The following SHANK2 variants were observed in gnomAD, a reference collection of about 807,000 sequenced individuals.
The protein encoded by SHANK2 is SH3 and multiple ankyrin repeat domains 2.
In SHANK2, 43 loss-of-function variants were observed where a neutral mutation model predicts 133.7. The observed-to-expected ratio is 0.32, with a 90% CI of 0.25 to 0.41. SHANK2 has a LOEUF of 0.41. SHANK2 is among the 10% of genes least tolerant of loss of function. The pLI is 1.00. For missense variants in SHANK2, 1,994 were observed against 2,235.8 expected (o/e 0.89, Z 2.18); for synonymous variants, 1,017 against 952.8 (o/e 1.07, Z -1.24).
At position 70,490,476 on chromosome 11, in the gene SHANK2, TC is replaced by T. The variant is rs2058871657; in HGVS notation, c.2440-90del. 3.6e-5 allele frequency: 40 copies of T among 1,097,990 alleles called. No individual in the cohort carries two copies. The South Asian group carries it at 5.0e-4, about 14-fold the overall frequency. 68.0% of individuals were successfully genotyped at this position (1,097,990 alleles called of 1,614,324 possible). A position where few individuals can be genotyped will look rare whatever the true frequency, so the allele number is the denominator to read the frequency against. ...CCCAGAGACCACAAGGGAACTTCCGTCACTGTGGCTTCCCCAAGCTGCTTCT... is the reference window on the plus strand; with the variant it reads ...CCCAGAGACCACAAGGGAACTTCCGTACTGTGGCTTCCCCAAGCTGCTTCT... On this transcript the variant is annotated intron_variant, in intron 22 of 25. Coordinates refer to ENST00000601538, the MANE Select transcript of SHANK2 (RefSeq NM_012309.5).
intron 21 of SHANK2, chr11:70,496,853 C>T: frequency 2.4e-6 from 1 of 412,486 alleles, no homozygotes; most frequent in Non-Finnish European, 4.9e-6. Flanking sequence ...TCCAGGAGAA[C>T]CACGAGGCGG....
At chr11:70,482,295 C>G (rs952653547) in intron 25 of SHANK2, among the ~76,000 whole-genome samples, 4 of 151,222 alleles carry the variant, frequency 2.6e-5, no homozygotes, top group African/African-American at 9.7e-5. Context: ...CTGCTGTTAT[C>G]GGCCGCAGGG....
At chr11:71,057,695 C>T (rs1950936507) in intron 9 of SHANK2, among the ~76,000 whole-genome samples, 1 of 151,808 alleles carries the variant, frequency 6.6e-6, no homozygotes, top group African/African-American at 2.4e-5. Context: ...GGACAACAAG[C>T]ATGTGCCACC....
chr11:70,781,558 TTATATATATATATA>T (rs1273792106), intron 14 of SHANK2, among the ~76,000 whole-genome samples: 16 of 28,968 alleles, frequency 5.5e-4, no homozygotes, highest in African/African-American at 1.5e-3. Context: ...TACTTACTTA[TTATATATATATATA>T]TATATATATA....
At position 70,913,100 on chromosome 11, in the gene SHANK2, A is replaced by AC. The variant is rs1487550338; in HGVS notation, c.1108-16534dup. Among the ~76,000 whole-genome samples the AC allele has an allele frequency of 2.1e-3, 299 of 141,370 alleles. 1 individual carries two copies. Among genetic ancestry groups the AC allele is most frequent in the African/African-American group, 7.6e-3 (292 of 38,494 alleles). 92.7% of individuals were successfully genotyped at this position (141,370 alleles called of 152,430 possible). ...AAAGGAAATTAAAAAAAAAAAAAAA[A>AC]CCTACCCTCCCATCCTCTCACAGCC... On this transcript the variant is annotated intron_variant, in intron 10 of 25. Transcript: ENST00000601538.
At chr11:70,650,373 G>A (rs1398250943) in intron 17 of SHANK2, among the ~76,000 whole-genome samples, 1 of 152,172 alleles carries the variant, frequency 6.6e-6, no homozygotes, top group Non-Finnish European at 1.5e-5. Context: ...ATGGAGGGAG[G>A]GGACATGCTG....
At chr11:71,248,389 G>A (rs1954990767) in intron 1 of SHANK2, among the ~76,000 whole-genome samples, 1 of 152,238 alleles carries the variant, frequency 6.6e-6, no homozygotes, top group Non-Finnish European at 1.5e-5. Context: ...TCTAACCGCT[G>A]CCTGGCGGCT....
intron 14 of SHANK2, among the ~76,000 whole-genome samples, chr11:70,784,067 G>A (rs1254394561): frequency 6.6e-6 from 1 of 152,188 alleles, no homozygotes; most frequent in East Asian, 1.9e-4. Context: ...GGGTGTCTCC[G>A]GGGCAAAGCC....
intron 17 of SHANK2, among the ~76,000 whole-genome samples, chr11:70,640,654 C>T (rs552246105): frequency 9.0e-4 from 137 of 152,356 alleles, no homozygotes; most frequent in Admixed American, 3.1e-3. Context: ...GGGCCCACTA[C>T]GAGCAGGGGA....
At chr11:70,741,843 G>A (rs954578576) in intron 14 of SHANK2, among the ~76,000 whole-genome samples, 9 of 152,194 alleles carry the variant, frequency 5.9e-5, no homozygotes, top group African/African-American at 2.2e-4. Context: ...AAGGAGTAAG[G>A]AACAGAAGGC....
chr11:71,175,551 GGAGAGAGAGAGAGAGA>G lies in SHANK2; in HGVS notation c.-12-28229_-12-28214del, dbSNP rs555218781. Among the ~76,000 whole-genome samples the G allele has an allele frequency of 0.014, 570 of 40,676 alleles. 6 individuals are homozygous for G. The highest frequency in any genetic ancestry group is 0.045 in the African/African-American group (553 of 12,246). 26.7% of individuals were successfully genotyped at this position (40,676 alleles called of 152,430 possible). A position where few individuals can be genotyped will look rare whatever the true frequency, so the allele number is the denominator to read the frequency against. On this transcript the variant is annotated intron_variant, in intron 2 of 25. Transcript: ENST00000601538. This position sits in a 1 kb window ranked among gnomAD's most constrained non-coding sequence, Gnocchi z 4.2. ...CAGACAGACAGAGGGAGAGGGAGAGGGAGAGAGAGAGAGAGAGAGAGAGAGAGAGAGAGAGAGAGAG... is the reference window on the plus strand; with the variant it reads ...CAGACAGACAGAGGGAGAGGGAGAGGGAGAGAGAGAGAGAGAGAGAGAGAG...
intron 17 of SHANK2, among the ~76,000 whole-genome samples, chr11:70,556,098 G>A (rs530156286): frequency 6.6e-6 from 1 of 152,356 alleles, no homozygotes; most frequent in South Asian, 2.1e-4. Flanking sequence ...TGGCTACACT[G>A]AACAACAGGT....
chr11:70,620,228 C>T lies in SHANK2; in HGVS notation c.2061+39600G>A, dbSNP rs185735922. Among the ~76,000 whole-genome samples, 6 of 152,284 alleles carry T rather than the reference C, an allele frequency of 3.9e-5. No individual in the cohort carries two copies. In the East Asian group the frequency reaches 9.7e-4, roughly 25 times the overall value. On this transcript the variant is annotated intron_variant, in intron 17 of 25. Coordinates refer to ENST00000601538, the MANE Select transcript of SHANK2 (RefSeq NM_012309.5). The stretch of plus-strand genomic sequence containing the variant: ...TTCGGTCCACGGCACCAAGCTGATG[C>T]TTCCTGGTGTCTGAGATGGGGAGAG...
intron 2 of SHANK2, among the ~76,000 whole-genome samples, chr11:71,216,203 G>A (rs1954410503): frequency 6.6e-6 from 1 of 152,136 alleles, no homozygotes; most frequent in Admixed American, 6.5e-5. Flanking sequence ...CAAAAAGTGG[G>A]AACAACCCAA....
At chr11:70,806,085 G>C (rs1310501217) in intron 13 of SHANK2, among the ~76,000 whole-genome samples, 2 of 152,200 alleles carry the variant, frequency 1.3e-5, no homozygotes, top group Non-Finnish European at 2.9e-5. Flanking sequence ...ACCTGCTGGG[G>C]GCCAGGAGGC....
chr11:70,645,921 G>C (rs1555008089), intron 17 of SHANK2, among the ~76,000 whole-genome samples: 1 of 152,156 alleles, frequency 6.6e-6, no homozygotes, highest in African/African-American at 2.4e-5. Context: ...CATCACCTGT[G>C]ATGGGTCATC....
At chr11:70,839,208 C>CT (rs1555060906) in intron 11 of SHANK2, among the ~76,000 whole-genome samples, 1 of 152,226 alleles carries the variant, frequency 6.6e-6, no homozygotes, top group Non-Finnish European at 1.5e-5. Context: ...CTTCAAATTA[C>CT]TTTTTCATTC....
chr11:70,925,280 G>A (rs1950411289), intron 10 of SHANK2, among the ~76,000 whole-genome samples: 1 of 152,144 alleles, frequency 6.6e-6, no homozygotes, highest in Non-Finnish European at 1.5e-5. Flanking sequence ...CTGCTATGTT[G>A]ACTCTGTGCT....
chr11:71,216,141 G>T (rs189160257), intron 2 of SHANK2, among the ~76,000 whole-genome samples: 1 of 152,168 alleles, frequency 6.6e-6, no homozygotes, highest in African/African-American at 2.4e-5. Flanking sequence ...CGAGAGAAAC[G>T]AAATCGCGTC....
Sources: gnomAD v4.1 joint callset for allele counts (sites outside exome capture counted in the v4.1 genomes callset) on GRCh38, gnomAD v4.1.1 for gene constraint, Gnocchi (gnomAD v3.1) non-coding constraint, MANE v1.5 for transcripts, NCBI Gene and HGNC (gene_info 2026-07-23, HGNC 2026-07-21) for gene names.